The following RNF13 variants were observed in gnomAD, a reference collection of about 807,000 sequenced individuals.
RNF13 encodes the protein E3 ubiquitin-protein ligase RNF13.
RNF13 carries 19 observed loss-of-function variants against 37.7 expected under a neutral mutation model. That is an observed-to-expected ratio of 0.50 (90% CI 0.35 to 0.74). RNF13 has a LOEUF of 0.74. Among genes scored for constraint, RNF13 ranks in the 30% least tolerant of loss-of-function variants. RNF13 has a pLI of 0.01. For synonymous variants in RNF13, 144 were observed against 157.8 expected, an observed-to-expected ratio of 0.91 and a Z score of 0.65; for missense variants, 375 against 453.0, an observed-to-expected ratio of 0.83 and a Z score of 1.56.
At chr3:149,925,663 T>C (rs1298584510) in intron 8 of RNF13, among the ~76,000 whole-genome samples, 1 of 152,220 alleles carries the variant, frequency 6.6e-6, no homozygotes, top group Non-Finnish European at 1.5e-5. Flanking sequence ...AATCATACTT[T>C]TGAGAATATA....
intron 8 of RNF13, among the ~76,000 whole-genome samples, chr3:149,957,507 T>C (rs1274307143): frequency 6.6e-6 from 1 of 152,182 alleles, no homozygotes; most frequent in African/African-American, 2.4e-5. Context: ...AATTACATAA[T>C]TACCCTAAGT....
chr3:149,837,676 A>G (rs1721761523), intron 1 of RNF13, among the ~76,000 whole-genome samples: 1 of 152,182 alleles, frequency 6.6e-6, no homozygotes, highest in African/African-American at 2.4e-5. Flanking sequence ...ACCTGCCTCC[A>G]TGATTGAATT....
intron 4 of RNF13, among the ~76,000 whole-genome samples, chr3:149,884,556 A>C (rs757908601): frequency 1.3e-5 from 2 of 151,678 alleles, no homozygotes; most frequent in African/African-American, 2.4e-5. Flanking sequence ...TGCCATTCTT[A>C]TATTTAGCCA....
rs2108390780 is a variant in RNF13 at position 149,852,496 on chromosome 3, A to G, written c.115-20A>G. The G allele has an allele frequency of 2.3e-6, 3 of 1,283,058 alleles. No homozygotes were observed. In the East Asian group the frequency reaches 7.7e-5, roughly 33 times the overall value. The allele number at this position is 1,283,058 out of a possible 1,614,324, so 79.5% of individuals were successfully genotyped here. On this transcript the variant is annotated intron_variant, in intron 2 of 9. Coordinates refer to ENST00000392894, the MANE Select transcript of RNF13 (RefSeq NM_183381.3). ...TATATAAATTGGTCTTAACTTGAAT[A>G]TTTAAAATTTTATTTTTAGTATAAC...
At chr3:149,843,173 T>A (rs764079133) in intron 1 of RNF13, among the ~76,000 whole-genome samples, 11 of 152,206 alleles carry the variant, frequency 7.2e-5, no homozygotes, top group Admixed American at 6.5e-4. Flanking sequence ...AGCATTTACA[T>A]TGTATTAGAT....
Position 149,961,403 on chromosome 3 carries a change from A to G in RNF13, c.*299A>G, listed in dbSNP as rs1236445020. 1.9e-6 allele frequency: 1 copy of G among 525,754 alleles called. No homozygotes were observed. Among genetic ancestry groups the G allele is most frequent in the East Asian group, 4.7e-5 (1 of 21,354 alleles). 32.6% of individuals were successfully genotyped at this position (525,754 alleles called of 1,614,324 possible). On this transcript the variant is annotated 3_prime_UTR_variant, in exon 10 of 10. Transcript: ENST00000392894. The stretch of plus-strand genomic sequence containing the variant: ...TCAGTATAGCTTGCAATTAAGACCT[A>G]GATCACAGTATTTAAGTGTTTTGCG...
intron 8 of RNF13, among the ~76,000 whole-genome samples, chr3:149,933,156 C>T (rs962252815): frequency 6.6e-6 from 1 of 152,090 alleles, no homozygotes; most frequent in South Asian, 2.1e-4. Flanking sequence ...ATGCAGGGAG[C>T]AGCCTCTTAA....
At chr3:149,931,959 C>T (rs1298774196) in intron 8 of RNF13, among the ~76,000 whole-genome samples, 2 of 152,116 alleles carry the variant, frequency 1.3e-5, no homozygotes, top group East Asian at 1.9e-4. Context: ...CTGGGTTTGG[C>T]TTATGTCACT....
At chr3:149,923,355 G>T (rs1333453283) in intron 8 of RNF13, among the ~76,000 whole-genome samples, 3 of 152,098 alleles carry the variant, frequency 2.0e-5, no homozygotes, top group Non-Finnish European at 4.4e-5. Context: ...TTCTCATGTA[G>T]CTAAGACTAT....
intron 8 of RNF13, among the ~76,000 whole-genome samples, chr3:149,928,650 G>A (rs915199986): frequency 2.0e-5 from 3 of 152,040 alleles, no homozygotes; most frequent in Non-Finnish European, 2.9e-5. Flanking sequence ...GCTATTCAGG[G>A]TCCTTTGCAA....
chr3:149,896,223 A>G (rs1715245301), intron 5 of RNF13, among the ~76,000 whole-genome samples: 1 of 152,120 alleles, frequency 6.6e-6, no homozygotes, highest in Non-Finnish European at 1.5e-5. Flanking sequence ...TTTACTGTCA[A>G]CACTCATGAT....
intron 3 of RNF13, among the ~76,000 whole-genome samples, chr3:149,864,090 T>G (rs1431857635): frequency 6.8e-6 from 1 of 146,134 alleles, no homozygotes; most frequent in Non-Finnish European, 1.5e-5. Context: ...TACCATAGTT[T>G]GGATATTTGA....
intron 3 of RNF13, among the ~76,000 whole-genome samples, chr3:149,861,000 T>C (rs1724196612): frequency 6.6e-6 from 1 of 152,058 alleles, no homozygotes; most frequent in Admixed American, 6.5e-5. Flanking sequence ...AACGGGCATA[T>C]GAAAAAAATG....
rs560212481 is a variant in RNF13, at chr3:149,899,360, A to C, written c.410-2712A>C. On this transcript the variant is annotated intron_variant, in intron 5 of 9. Transcript: ENST00000392894. ...GCTACTCAAGAGGCTGAACCACAAG[A>C]ATCACTTGAACCTGGGAGGCGGAGG... Among the ~76,000 whole-genome samples, 240 of 152,288 alleles carry C rather than the reference A, an allele frequency of 1.6e-3. 1 individual carries two copies. The highest frequency in any genetic ancestry group is 5.4e-3 in the African/African-American group (224 of 41,558).
intron 5 of RNF13, among the ~76,000 whole-genome samples, chr3:149,900,832 C>T (rs181255603): frequency 1.1e-4 from 17 of 151,502 alleles, no homozygotes; most frequent in Admixed American, 2.6e-4. Flanking sequence ...TGTATGTGCG[C>T]GCATGTGTGC....
intron 8 of RNF13, among the ~76,000 whole-genome samples, chr3:149,957,817 A>G (rs1026312841): frequency 6.6e-6 from 1 of 152,216 alleles, no homozygotes. Flanking sequence ...AAACATAAAG[A>G]TAAGTGTTTT....
chr3:149,884,893 C>T (rs558523109), intron 4 of RNF13, among the ~76,000 whole-genome samples: 3 of 151,496 alleles, frequency 2.0e-5, no homozygotes, highest in African/African-American at 7.3e-5. Flanking sequence ...ATTAACCATC[C>T]CCATCTCCCC....
At chr3:149,919,504 G>A (rs1717903714) in intron 7 of RNF13, among the ~76,000 whole-genome samples, 1 of 152,006 alleles carries the variant, frequency 6.6e-6, no homozygotes, top group African/African-American at 2.4e-5. Context: ...CATAAAGTCT[G>A]TACTCTTTTG....
At chr3:149,940,943 C>T (rs1454873396) in intron 8 of RNF13, among the ~76,000 whole-genome samples, 1 of 152,146 alleles carries the variant, frequency 6.6e-6, no homozygotes, top group Non-Finnish European at 1.5e-5. Context: ...TGGACTGATA[C>T]AGTATTTGTC....
Sources: allele counts gnomAD v4.1 joint callset (sites outside exome capture counted in the v4.1 genomes callset), GRCh38; gene constraint gnomAD v4.1.1; transcripts MANE v1.5; gene names NCBI Gene and HGNC (gene_info 2026-07-23, HGNC 2026-07-21).